Variants in THOC2 observed in about 807,000 individuals in gnomAD.
THOC2 encodes the protein THO complex 2.
THOC2 carries 10 observed loss-of-function variants against 128.4 expected under a neutral mutation model. The ratio of observed to expected loss-of-function variants is 0.08; its 90% CI spans 0.05 to 0.13. The LOEUF is 0.13. Among genes scored for constraint, THOC2 ranks in the 10% least tolerant of loss-of-function variants. The pLI is 1.00. For missense variants in THOC2, 535 were observed against 1,155.7 expected (o/e 0.46, Z 7.79); for synonymous variants, 393 against 396.9 (o/e 0.99, Z 0.12).
intron 4 of THOC2, among the ~76,000 whole-genome samples, chrX:123,699,805 T>C (rs987998968): frequency 8.9e-6 from 1 of 112,192 alleles, no homozygotes; most frequent in African/African-American, 3.2e-5. Flanking sequence ...ATTCTTAGAA[T>C]TGGATAAATT....
intron 1 of THOC2, among the ~76,000 whole-genome samples, chrX:123,721,170 T>TTTTG (rs777903473): frequency 9.1e-5 from 10 of 110,105 alleles, no homozygotes; most frequent in African/African-American, 1.3e-4. Context: ...TGCTGGTTTT[T>TTTTG]TTTGTTTGTT....
At chrX:123,618,357 T>TA (rs2046969750) in intron 33 of THOC2, among the ~76,000 whole-genome samples, 1 of 112,158 alleles carries the variant, frequency 8.9e-6, no homozygotes, top group South Asian at 3.7e-4. Context: ...TAGTATATTC[T>TA]AAAAAACAAT....
rs186590609 is a variant in THOC2 at position 123,637,395 on chromosome X, C to T, written c.1921+648G>A. On this transcript the variant is annotated intron_variant, in intron 18 of 38. Transcript: ENST00000245838. ...TTTTGTTCTTTTAAGATGACTGGAA[C>T]CTCAGGATGGAATGGGAAGAAATGA... Among the ~76,000 whole-genome samples, 229 of 111,194 alleles carry T rather than the reference C, an allele frequency of 2.1e-3. 1 individual carries two copies. The highest frequency in any genetic ancestry group is 7.4e-3 in the African/African-American group (228 of 30,659).
chrX:123,694,163 TA>T (rs933902648), intron 7 of THOC2, among the ~76,000 whole-genome samples: 1,348 of 102,332 alleles, frequency 0.013, 21 homozygotes, highest in African/African-American at 0.04. Flanking sequence ...GATATAAAGT[TA>T]AAAAAAAAAA....
intron 33 of THOC2, among the ~76,000 whole-genome samples, chrX:123,618,791 GAAT>G (rs1444213219): frequency 1.8e-5 from 2 of 111,694 alleles, no homozygotes; most frequent in Non-Finnish European, 3.8e-5. Flanking sequence ...CAAGAAAGTA[GAAT>G]AATAGGTAAG....
intron 18 of THOC2, 58 bp from the exon 19 acceptor site, chrX:123,636,233 T>C: frequency 1.1e-6 from 1 of 935,497 alleles, no homozygotes; most frequent in Non-Finnish European, 1.5e-6. Flanking sequence ...ACAAGTATCA[T>C]TTCAACTAAA....
intron 1 of THOC2, among the ~76,000 whole-genome samples, chrX:123,718,115 G>C (rs2051511639): frequency 8.9e-6 from 1 of 112,300 alleles, no homozygotes; most frequent in African/African-American, 3.2e-5. Flanking sequence ...GAACAGAATA[G>C]AGAGCGCAGA....
intron 8 of THOC2, among the ~76,000 whole-genome samples, chrX:123,681,117 C>T (rs1004224050): frequency 4.5e-5 from 5 of 111,526 alleles, no homozygotes; most frequent in Non-Finnish European, 9.4e-5. Context: ...CCAGTAGGAA[C>T]CGTATTTCAA....
chrX:123,678,503 G>C (rs143411100), intron 8 of THOC2, among the ~76,000 whole-genome samples: 82 of 110,122 alleles, frequency 7.4e-4, no homozygotes, highest in African/African-American at 2.7e-3. Flanking sequence ...CTGACCTCAA[G>C]TGATCCACCC....
chrX:123,729,836 C>T (rs1340563903), intron 1 of THOC2, among the ~76,000 whole-genome samples: 1 of 111,955 alleles, frequency 8.9e-6, no homozygotes, highest in Non-Finnish European at 1.9e-5. Flanking sequence ...TGCACCACCA[C>T]GTATTCTGCC....
At chrX:123,602,224 G>A (rs1024219903) in intron 38 of THOC2, 6 of 112,219 alleles carry the variant, frequency 5.3e-5, no homozygotes, top group African/African-American at 1.9e-4. Flanking sequence ...ATACCATTTC[G>A]ACACAGCATT....
rs1380658362 is a variant in THOC2 at position 123,621,490 on chromosome X, G to C, written c.3883C>G (p.Leu1295Val). 1 of 1,207,982 alleles carries C rather than the reference G, an allele frequency of 8.3e-7. No homozygotes were observed. Among genetic ancestry groups the C allele is most frequent in the Admixed American group, 2.2e-5 (1 of 45,551 alleles). The change falls in exon 31 of 39, where the codon CTT becomes GTT. Residue 1295 changes from leucine (L) to valine (V), a missense_variant. Around this residue, in one of 9 missense-constraint regions of THOC2, gnomAD observed 116 missense variants for 180.0 expected, o/e 0.64. Coordinates refer to ENST00000245838, the MANE Select transcript of THOC2 (RefSeq NM_001081550.2). The stretch of plus-strand genomic sequence containing the variant: ...GGTTTTTCTTTACCATCTTTACCAA[G>C]TACCCTGGCCTCTGGAGTAGTAGCT... ...TPATTPEARVLGKDGKEKPKE... is the reference protein window; with the variant it reads ...TPATTPEARVVGKDGKEKPKE...
chrX:123,701,921 C>T (rs897653237), intron 4 of THOC2, among the ~76,000 whole-genome samples: 3 of 111,751 alleles, frequency 2.7e-5, no homozygotes, highest in African/African-American at 9.8e-5. Flanking sequence ...TCATTTATCA[C>T]TCCCAGTCCA....
chrX:123,694,630 AG>A (rs1336703494), intron 7 of THOC2, among the ~76,000 whole-genome samples: 10 of 105,650 alleles, frequency 9.5e-5, no homozygotes, highest in Non-Finnish European at 1.6e-4. Context: ...GAAAAAAAAA[AG>A]AGAAAGAAAG....
At chrX:123,655,371 A>T (rs892863242) in intron 12 of THOC2, among the ~76,000 whole-genome samples, 2 of 112,018 alleles carry the variant, frequency 1.8e-5, no homozygotes, top group South Asian at 7.4e-4. Flanking sequence ...AACAAAAAGT[A>T]GTAAACATCA....
intron 7 of THOC2, among the ~76,000 whole-genome samples, chrX:123,691,780 C>T (rs924184354): frequency 4.4e-5 from 5 of 112,427 alleles, no homozygotes; most frequent in African/African-American, 1.6e-4. Context: ...TCTAAAGCTA[C>T]GCTCAAATAA....
At position 123,712,904 on chromosome X, in the gene THOC2, G is replaced by C. The variant is rs1569446519; in HGVS notation, c.76C>G (p.His26Asp). Residue 26 changes from histidine to aspartate, a missense_variant, in exon 2 of 39, where the codon CAT (histidine) becomes GAT (aspartate). Around this residue, in one of 9 missense-constraint regions of THOC2, gnomAD observed 61 missense variants for 84.3 expected, o/e 0.72. Coordinates refer to ENST00000245838, the MANE Select transcript of THOC2 (RefSeq NM_001081550.2). ...WEKSGRGEFL[H>D]LCRILSENKS... Reference sequence around the variant, plus strand: ...TTTTCACTGAGGATCCGACATAAATGCAAACTAGAATAAAATAGAAAACAT... The same window carrying C: ...TTTTCACTGAGGATCCGACATAAATCCAAACTAGAATAAAATAGAAAACAT... 8.7e-7 allele frequency: 1 copy of C among 1,148,527 alleles called. No homozygotes were observed. Among genetic ancestry groups the C allele is most frequent in the East Asian group, 3.1e-5 (1 of 32,783 alleles). 94.7% of individuals were successfully genotyped at this position (1,148,527 alleles called of 1,213,427 possible).
rs60897921 is a variant in THOC2, at chrX:123,653,573, GA to G, written c.1387-8199del. On this transcript the variant is annotated intron_variant, in intron 12 of 38. Transcript: ENST00000245838. Reference sequence around the variant, plus strand: ...AGAAGGAACTTAAACAAATTTACAAGAAAAAAAAAACCCATCAAAAAGTGGG... The same window carrying G: ...AGAAGGAACTTAAACAAATTTACAAGAAAAAAAAACCCATCAAAAAGTGGG... 3.8e-3 allele frequency among the ~76,000 whole-genome samples: 400 copies of G among 104,015 alleles called. 2 individuals are homozygous for G. Among genetic ancestry groups the G allele is most frequent in the African/African-American group, 0.012 (342 of 28,662 alleles). 90.3% of individuals were successfully genotyped at this position (104,015 alleles called of 115,157 possible).
At chrX:123,613,588 T>C in intron 35 of THOC2, 32 bp from the exon 36 acceptor site, 1 of 1,207,186 alleles carries the variant, frequency 8.3e-7, no homozygotes, top group Non-Finnish European at 1.1e-6. Flanking sequence ...ATGAAAGCCT[T>C]TTCCAATTCA....
Sources: allele counts gnomAD v4.1 joint callset (sites outside exome capture counted in the v4.1 genomes callset), GRCh38; gene constraint gnomAD v4.1.1; regional missense constraint gnomAD v4.1.1; transcripts MANE v1.5; gene names NCBI Gene and HGNC (gene_info 2026-07-23, HGNC 2026-07-21).